Variants in ATRNL1 observed in about 807,000 individuals in gnomAD.
ATRNL1 encodes the protein attractin like 1, also known as attractin-like protein 1.
Under a neutral mutation model 182.7 loss-of-function variants are expected in ATRNL1, and 95 were observed. The observed-to-expected ratio is 0.52, with a 90% confidence interval of 0.44 to 0.62. The LOEUF is 0.62. ATRNL1 is among the 20% of genes least tolerant of loss of function. The pLI is 0.00. For synonymous variants in ATRNL1, 576 were observed against 568.3 expected (o/e 1.01, Z -0.19); for missense variants, 1,471 against 1,679.5 (o/e 0.88, Z 2.17).
At chr10:115,264,659 T>A (rs1554909936) in intron 10 of ATRNL1, among the ~76,000 whole-genome samples, 3 of 151,612 alleles carry the variant, frequency 2.0e-5, no homozygotes. Context: ...TCTAGAAGTT[T>A]TGCAGTTAAA....
intron 24 of ATRNL1, among the ~76,000 whole-genome samples, chr10:115,478,304 G>A (rs1554973531): frequency 6.6e-6 from 1 of 151,722 alleles, no homozygotes; most frequent in African/African-American, 2.4e-5. Context: ...GTTATGGTCT[G>A]TTGAGCTGCC....
At chr10:115,733,399 T>G (rs1947857295) in intron 27 of ATRNL1, among the ~76,000 whole-genome samples, 2 of 152,176 alleles carry the variant, frequency 1.3e-5, no homozygotes, top group Admixed American at 6.6e-5. Flanking sequence ...TAGAAAAAAT[T>G]AATTTCGAAT....
At chr10:115,145,124 G>A (rs569500874) in intron 5 of ATRNL1, among the ~76,000 whole-genome samples, 3 of 151,982 alleles carry the variant, frequency 2.0e-5, no homozygotes, top group Admixed American at 1.3e-4. Context: ...CAAAAATCTG[G>A]TCTTTAAAAT....
chr10:115,224,906 G>A (rs572480732), intron 9 of ATRNL1, among the ~76,000 whole-genome samples: 2 of 152,022 alleles, frequency 1.3e-5, no homozygotes, highest in Non-Finnish European at 2.9e-5. Context: ...AATTCTCCAG[G>A]CCGTGATCAC....
intron 20 of ATRNL1, among the ~76,000 whole-genome samples, chr10:115,419,013 G>A (rs564567668): frequency 6.6e-6 from 1 of 152,174 alleles, no homozygotes; most frequent in East Asian, 1.9e-4. Flanking sequence ...TAATTTTGTT[G>A]TATAAACCAC....
At chr10:115,128,592 C>T (rs80130448) in intron 4 of ATRNL1, 7 of 190,890 alleles carry the variant, frequency 3.7e-5, no homozygotes, top group East Asian at 1.9e-4. Context: ...TTTGGGAGGC[C>T]GAGGCGGGCA....
chr10:115,522,869 C>T (rs898743954), intron 25 of ATRNL1, among the ~76,000 whole-genome samples: 8 of 152,116 alleles, frequency 5.3e-5, no homozygotes, highest in South Asian at 2.1e-4. Context: ...CAAAATATAG[C>T]GGGGAAGACA....
chr10:115,499,000 A>G (rs1225017335), intron 24 of ATRNL1, among the ~76,000 whole-genome samples: 4 of 152,104 alleles, frequency 2.6e-5, no homozygotes, highest in Admixed American at 6.6e-5. Flanking sequence ...ATAGGTTATG[A>G]AAAAATTATA....
At chr10:115,625,654 A>G (rs945118927) in intron 26 of ATRNL1, among the ~76,000 whole-genome samples, 1 of 152,188 alleles carries the variant, frequency 6.6e-6, no homozygotes, top group East Asian at 1.9e-4. Flanking sequence ...TGAGGGTTCA[A>G]AGAAAGGAAA....
intron 26 of ATRNL1, among the ~76,000 whole-genome samples, chr10:115,686,776 A>G (rs782598287): frequency 1.3e-5 from 2 of 152,056 alleles, no homozygotes; most frequent in African/African-American, 2.4e-5. Flanking sequence ...TTTGCATTAC[A>G]TCTATTACAA....
At chr10:115,394,301 T>G (rs1283024738) in intron 19 of ATRNL1, among the ~76,000 whole-genome samples, 1 of 151,986 alleles carries the variant, frequency 6.6e-6, no homozygotes, top group African/African-American at 2.4e-5. Context: ...AGATGTAAAT[T>G]TTGAACCCAA....
At chr10:115,700,848 A>T (rs782370047) in intron 26 of ATRNL1, among the ~76,000 whole-genome samples, 4 of 152,132 alleles carry the variant, frequency 2.6e-5, no homozygotes, top group Non-Finnish European at 5.9e-5. Context: ...ACAGCTACAC[A>T]ATAATAGAGG....
At chr10:115,295,263 A>G (rs1325357321) in intron 15 of ATRNL1, among the ~76,000 whole-genome samples, 3 of 152,014 alleles carry the variant, frequency 2.0e-5, no homozygotes, top group African/African-American at 7.3e-5. Context: ...GCTATTTCTT[A>G]ATCCCAGGAT....
intron 19 of ATRNL1, among the ~76,000 whole-genome samples, chr10:115,379,456 T>C (rs1857864653): frequency 6.6e-6 from 1 of 152,220 alleles, no homozygotes. Flanking sequence ...ACAATGGTAA[T>C]TCTTTTAAGA....
chr10:115,546,801 G>C (rs575799051), intron 25 of ATRNL1, among the ~76,000 whole-genome samples: 2 of 152,106 alleles, frequency 1.3e-5, no homozygotes, highest in Non-Finnish European at 2.9e-5. Context: ...GCCAGATATC[G>C]CCTGGAGAAC....
At chr10:115,411,571 AT>A (rs1266380840) in intron 20 of ATRNL1, among the ~76,000 whole-genome samples, 8 of 128,566 alleles carry the variant, frequency 6.2e-5, no homozygotes, top group African/African-American at 2.8e-4. Context: ...TTGAAATTAC[AT>A]TTTTAATTAA....
intron 28 of ATRNL1, among the ~76,000 whole-genome samples, chr10:115,941,972 C>T (rs1953743847): frequency 6.6e-6 from 1 of 152,184 alleles, no homozygotes; most frequent in African/African-American, 2.4e-5. Flanking sequence ...AACTCTAAAA[C>T]ATTCAGGATG....
intron 24 of ATRNL1, among the ~76,000 whole-genome samples, chr10:115,481,836 AT>A: frequency 6.6e-6 from 1 of 151,098 alleles, no homozygotes; most frequent in South Asian, 2.1e-4. Context: ...TTTGAAAAAA[AT>A]ATAACTATAC....
intron 24 of ATRNL1, among the ~76,000 whole-genome samples, chr10:115,512,385 A>G (rs11197255): frequency 0.35 from 53,274 of 151,720 alleles, 11,120 homozygotes; most frequent in Non-Finnish European, 0.48. Context: ...ATTGAGACAC[A>G]ATAACATCTG....
Sources: allele counts gnomAD v4.1 joint callset (sites outside exome capture counted in the v4.1 genomes callset), GRCh38; gene constraint gnomAD v4.1.1; transcripts MANE v1.5; gene names NCBI Gene and HGNC (gene_info 2026-07-23, HGNC 2026-07-21).